Variants in ITPKB observed in about 807,000 individuals in gnomAD.
The protein encoded by ITPKB is inositol-trisphosphate 3-kinase B.
Under a neutral mutation model 69.4 loss-of-function variants are expected in ITPKB, and 13 were observed. That is an observed-to-expected ratio of 0.19 (90% CI 0.12 to 0.30). ITPKB has a LOEUF of 0.30. ITPKB is among the 10% of genes least tolerant of loss of function. The pLI is 1.00. For missense variants in ITPKB, 1,240 were observed against 1,250.5 expected, an observed-to-expected ratio of 0.99 and a Z score of 0.13; for synonymous variants, 584 against 513.7, an observed-to-expected ratio of 1.14 and a Z score of -1.85.
At chr1:226,699,536 T>C (rs530542271) in intron 2 of ITPKB, among the ~76,000 whole-genome samples, 12 of 152,352 alleles carry the variant, frequency 7.9e-5, no homozygotes, top group Non-Finnish European at 1.6e-4. Context: ...GATATATTAA[T>C]AGCACTTACC....
chr1:226,676,923 T>C (rs542935911), intron 2 of ITPKB, among the ~76,000 whole-genome samples: 2 of 152,344 alleles, frequency 1.3e-5, no homozygotes, highest in South Asian at 2.1e-4. Context: ...GGAAGGACCA[T>C]ATTGTGTTGT....
At position 226,637,825 on chromosome 1, in the gene ITPKB, T is replaced by C; in HGVS notation, c.2554-75A>G. On this transcript the variant is annotated intron_variant, in intron 6 of 7. Coordinates refer to ENST00000429204, the MANE Select transcript of ITPKB (RefSeq NM_002221.4). The surrounding 1 kb of genome is among the most constrained non-coding windows in gnomAD (Gnocchi z 4.3). ...AGTGTCAGAACACCCATGCGGCCTC[T>C]AGTGGTCCCTCCCGTGAATGTGCTT... 4.6e-6 allele frequency: 5 copies of C among 1,081,022 alleles called. No individual in the cohort carries two copies. The highest frequency in any genetic ancestry group is 4.6e-4 in the Middle Eastern group (2 of 4,342). The allele number at this position is 1,081,022 out of a possible 1,614,324, so 67.0% of individuals were successfully genotyped here.
intron 2 of ITPKB, among the ~76,000 whole-genome samples, chr1:226,733,567 C>A (rs939702559): frequency 2.0e-5 from 3 of 151,898 alleles, no homozygotes; most frequent in African/African-American, 7.3e-5. Flanking sequence ...CACCCTTACC[C>A]CCCTACACAC....
chr1:226,658,715 C>T (rs977925408), intron 2 of ITPKB, among the ~76,000 whole-genome samples: 5 of 152,182 alleles, frequency 3.3e-5, no homozygotes, highest in Non-Finnish European at 7.3e-5. Context: ...GCGCTGCTCA[C>T]CAGGCACGAG....
At chr1:226,698,848 A>C (rs1656563440) in intron 2 of ITPKB, among the ~76,000 whole-genome samples, 1 of 152,208 alleles carries the variant, frequency 6.6e-6, no homozygotes, top group Non-Finnish European at 1.5e-5. Context: ...TACCCTGGTC[A>C]TATCTCAGGC....
At chr1:226,737,876 C>G (rs567242992) in intron 1 of ITPKB, among the ~76,000 whole-genome samples, 1 of 152,306 alleles carries the variant, frequency 6.6e-6, no homozygotes, top group East Asian at 1.9e-4. Flanking sequence ...TCCCCGCCCC[C>G]CACCTCGCCC....
chr1:226,724,785 C>T (rs1256603095), intron 2 of ITPKB, among the ~76,000 whole-genome samples: 3 of 152,186 alleles, frequency 2.0e-5, no homozygotes, highest in African/African-American at 7.2e-5. Context: ...TCTGGTCAAT[C>T]GGGGTCCTCC....
intron 2 of ITPKB, among the ~76,000 whole-genome samples, chr1:226,666,838 C>G (rs1669513003): frequency 6.6e-6 from 1 of 152,178 alleles, no homozygotes; most frequent in African/African-American, 2.4e-5. Context: ...TGTGGCTTCC[C>G]TAAAGCCTGC....
chr1:226,699,728 AAAAGAAAG>A (rs915073221), intron 2 of ITPKB, among the ~76,000 whole-genome samples: 2 of 152,208 alleles, frequency 1.3e-5, no homozygotes, highest in South Asian at 2.1e-4. Flanking sequence ...CATTAATTAA[AAAAGAAAG>A]AAAGAAAGAA....
chr1:226,655,043 AG>A (rs1409651723), intron 2 of ITPKB, among the ~76,000 whole-genome samples: 1 of 148,896 alleles, frequency 6.7e-6, no homozygotes, highest in Non-Finnish European at 1.5e-5. Context: ...GACAGGGAAG[AG>A]GAGAGAAGAA....
rs1455133843 is a variant in ITPKB, at chr1:226,641,216, T to G, written c.2451+705A>C. ...CCCAATTTATTCTGGGGAAAGTAAA[T>G]CAACATTTGAACATAATCATGTATA... On this transcript the variant is annotated intron_variant, in intron 5 of 7. Transcript: ENST00000429204. The surrounding 1 kb of genome is among the most constrained non-coding windows in gnomAD (Gnocchi z 4.6). 6.6e-6 allele frequency among the ~76,000 whole-genome samples: 1 copy of G among 152,128 alleles called. No homozygotes were observed. The highest frequency in any genetic ancestry group is 1.5e-5 in the Non-Finnish European group (1 of 68,036).
chr1:226,726,122 G>A (rs1472818299), intron 2 of ITPKB, among the ~76,000 whole-genome samples: 1 of 152,174 alleles, frequency 6.6e-6, no homozygotes, highest in East Asian at 1.9e-4. Flanking sequence ...ACCACATGAG[G>A]TAGGAAGACT....
At chr1:226,679,915 G>A (rs1191745608) in intron 2 of ITPKB, among the ~76,000 whole-genome samples, 2 of 151,998 alleles carry the variant, frequency 1.3e-5, no homozygotes, top group African/African-American at 4.8e-5. Context: ...CAGCAAACCC[G>A]GGAAGAGTTA....
chr1:226,726,469 G>A (rs1366286113), intron 2 of ITPKB, among the ~76,000 whole-genome samples: 1 of 152,136 alleles, frequency 6.6e-6, no homozygotes, highest in Non-Finnish European at 1.5e-5. Flanking sequence ...TTGAGCTCAG[G>A]AATTCGAGAC....
Position 226,711,671 on chromosome 1 carries a change from TTG to T in ITPKB, c.1932+23854_1932+23855del, listed in dbSNP as rs1434048986. ...CCTCCCAACCTGGACCTCCCATCAT[TTG>T]TCCTGGCGATGACGAGTGCTGAACA... On this transcript the variant is annotated intron_variant, in intron 2 of 7. Transcript: ENST00000429204. Among the ~76,000 whole-genome samples, 5 of 152,114 alleles carry T rather than the reference TTG, an allele frequency of 3.3e-5. No homozygotes were observed. The East Asian group carries it at 9.6e-4, about 29-fold the overall frequency.
chr1:226,713,036 A>G (rs1415849983), intron 2 of ITPKB, among the ~76,000 whole-genome samples: 4 of 152,118 alleles, frequency 2.6e-5, no homozygotes, highest in Non-Finnish European at 4.4e-5. Context: ...CACACACTGC[A>G]CACTTACCCA....
chr1:226,687,260 T>C (rs893613199), intron 2 of ITPKB, among the ~76,000 whole-genome samples: 10 of 151,896 alleles, frequency 6.6e-5, no homozygotes, highest in East Asian at 1.9e-4. Context: ...ATTTCCACCA[T>C]GAGATATAGA....
chr1:226,684,107 C>T (rs968103229), intron 2 of ITPKB, among the ~76,000 whole-genome samples: 2 of 152,162 alleles, frequency 1.3e-5, no homozygotes, highest in Non-Finnish European at 2.9e-5. Context: ...TCACAGCACC[C>T]GATTCTCTCC....
intron 2 of ITPKB, among the ~76,000 whole-genome samples, chr1:226,651,820 A>G (rs1409961294): frequency 1.3e-5 from 2 of 152,138 alleles, no homozygotes; most frequent in Non-Finnish European, 2.9e-5. Context: ...TGACAGTTCA[A>G]AGGATCCACA....
Sources: gnomAD v4.1 joint callset for allele counts (sites outside exome capture counted in the v4.1 genomes callset) on GRCh38, gnomAD v4.1.1 for gene constraint, Gnocchi (gnomAD v3.1) non-coding constraint, MANE v1.5 for transcripts, NCBI Gene and HGNC (gene_info 2026-07-23, HGNC 2026-07-21) for gene names.